Variants in ATP6V1C1 observed in about 807,000 individuals in gnomAD.
ATP6V1C1 encodes the protein ATPase H+ transporting V1 subunit C1.
In ATP6V1C1, 45 loss-of-function variants were observed where a neutral mutation model predicts 53.9. The observed-to-expected ratio is 0.83, with a 90% CI of 0.66 to 1.07. The LOEUF is 1.07. Ranked by LOEUF, ATP6V1C1 falls within the 50% of genes least tolerant of loss-of-function variation. The probability of loss-of-function intolerance (pLI) is 0.00; values close to 1 mark genes in which losing one functional copy is unlikely to be tolerated. For missense variants in ATP6V1C1, 315 were observed against 440.3 expected, an observed-to-expected ratio of 0.72 and a Z score of 2.55; for synonymous variants, 153 against 155.2, an observed-to-expected ratio of 0.99 and a Z score of 0.11.
rs564305463 is a variant in ATP6V1C1, at chr8:103,067,353, C to T, written c.1053+906C>T. The stretch of plus-strand genomic sequence containing the variant: ...GGGTGGTTGCAGTGAGCCAAGATTG[C>T]GCCACTGCACTCCAGCCTGGGTGAC... On this transcript the variant is annotated intron_variant, in intron 12 of 12. Coordinates refer to ENST00000518738, the MANE Select transcript of ATP6V1C1 (RefSeq NM_001695.5). 4.9e-5 allele frequency among the ~76,000 whole-genome samples: 7 copies of T among 144,252 alleles called. No homozygotes were observed. The East Asian group carries it at 1.1e-3, about 22-fold the overall frequency. The allele number at this position is 144,252 out of a possible 152,430, so 94.6% of individuals were successfully genotyped here. A position where few individuals can be genotyped will look rare whatever the true frequency, so the allele number is the denominator to read the frequency against.
chr8:103,026,769 C>T (rs867351671), intron 1 of ATP6V1C1, among the ~76,000 whole-genome samples: 1 of 152,146 alleles, frequency 6.6e-6, no homozygotes, highest in Non-Finnish European at 1.5e-5. Context: ...GCCGAGATCG[C>T]GCCAGTGCAC....
At chr8:103,058,661 A>G (rs574625590) in intron 8 of ATP6V1C1, among the ~76,000 whole-genome samples, 1 of 152,362 alleles carries the variant, frequency 6.6e-6, no homozygotes, top group Admixed American at 6.5e-5. Flanking sequence ...AGTGAAGATG[A>G]AAGTGGAATT....
intron 1 of ATP6V1C1, among the ~76,000 whole-genome samples, chr8:103,036,763 T>G (rs998838339): frequency 5.3e-5 from 8 of 152,184 alleles, no homozygotes; most frequent in Non-Finnish European, 1.0e-4. Context: ...GATAGTGACA[T>G]CTACTGTAAT....
chr8:103,044,473 T>C (rs956687395), intron 3 of ATP6V1C1, among the ~76,000 whole-genome samples: 1 of 152,204 alleles, frequency 6.6e-6, no homozygotes, highest in Non-Finnish European at 1.5e-5. Flanking sequence ...CCAGCACCAT[T>C]TGTTGAAAAG....
In ATP6V1C1 at chr8:103,021,114, G is replaced by A. The variant is rs2131377137; in HGVS notation, c.-151G>A. ...TGTTCGCTTGGGTAGAGGAAGCCGT[G>A]AGGCCGGAGCTTAGGTCGGGAAGGG... On this transcript the variant is annotated 5_prime_UTR_variant, in exon 1 of 13. Coordinates refer to ENST00000518738, the MANE Select transcript of ATP6V1C1 (RefSeq NM_001695.5). 1 of 153,040 alleles carries A rather than the reference G, an allele frequency of 6.5e-6. No individual in the cohort carries two copies. Among genetic ancestry groups the A allele is most frequent in the Admixed American group, 6.5e-5 (1 of 15,308 alleles). 9.5% of individuals were successfully genotyped at this position (153,040 alleles called of 1,614,324 possible). A position where few individuals can be genotyped will look rare whatever the true frequency, so the allele number is the denominator to read the frequency against.
At chr8:103,041,082 A>C (rs2131388964) in intron 2 of ATP6V1C1, 114 bp downstream of exon 2, 1 of 1,204,274 alleles carries the variant, frequency 8.3e-7, no homozygotes, top group East Asian at 2.6e-5. Context: ...CCTCCTCTCC[A>C]GCCATTGGCA....
chr8:103,042,777 C>T (rs1474466707), intron 3 of ATP6V1C1, among the ~76,000 whole-genome samples: 3 of 152,180 alleles, frequency 2.0e-5, no homozygotes, highest in African/African-American at 7.2e-5. Flanking sequence ...CACTTACCGT[C>T]CCCACCACCC....
intron 8 of ATP6V1C1, among the ~76,000 whole-genome samples, chr8:103,059,356 C>T (rs1198733800): frequency 3.3e-5 from 5 of 152,108 alleles, no homozygotes; most frequent in Admixed American, 3.3e-4. Flanking sequence ...CCTACTGGAC[C>T]ACTCCATGTG....
rs934636713 is a variant in ATP6V1C1 at position 103,040,886 on chromosome 8, A to C, written c.50A>C (p.Gln17Pro). The C allele has an allele frequency of 3.1e-6, 5 of 1,614,164 alleles. No individual in the cohort carries two copies. Among genetic ancestry groups the C allele is most frequent in the Non-Finnish European group, 4.2e-6 (5 of 1,179,994 alleles). Residue 17 changes from glutamine (Q) to proline (P), a missense_variant, in exon 2 of 13, where the codon CAA becomes CCA. Gln to Pro is a moderately conservative substitution (Grantham distance 76). Transcript: ENST00000518738. ...GCTCCTGGGGAGAAAACCTGTCAGC[A>C]AACATGGGAGAAATTGCATGCGGCA... ...ISAPGEKTCQ[Q>P]TWEKLHAATS...
chr8:103,061,275 GGT>G (rs34575743), intron 8 of ATP6V1C1, among the ~76,000 whole-genome samples: 5,334 of 152,224 alleles, frequency 0.035, 102 homozygotes, highest in East Asian at 0.046. Context: ...TACTCCTGGA[GGT>G]GTCTGCTGGT....
Position 103,023,971 on chromosome 8 carries a change from C to T in ATP6V1C1, c.-40+2746C>T, listed in dbSNP as rs944274236. On this transcript the variant is annotated intron_variant, in intron 1 of 12. Transcript: ENST00000518738. ...TGAACTTTTTCTAGTAGAACAGCTT[C>T]AAAGGAATTGGCAGTGGTGGGCTAT... 2.0e-5 allele frequency among the ~76,000 whole-genome samples: 3 copies of T among 152,166 alleles called. No individual in the cohort carries two copies. The South Asian group carries it at 6.2e-4, about 32-fold the overall frequency.
At chr8:103,052,470 T>G (rs888595714) in intron 5 of ATP6V1C1, among the ~76,000 whole-genome samples, 2 of 152,038 alleles carry the variant, frequency 1.3e-5, no homozygotes, top group African/African-American at 2.4e-5. Context: ...TTTCCATGGT[T>G]TAAGAAGTAA....
chr8:103,027,396 A>G (rs1816717249), intron 1 of ATP6V1C1, among the ~76,000 whole-genome samples: 1 of 152,198 alleles, frequency 6.6e-6, no homozygotes, highest in South Asian at 2.1e-4. Flanking sequence ...GGAGTGCGGT[A>G]CTGTTTTCTG....
At position 103,062,948 on chromosome 8, in the gene ATP6V1C1, T is replaced by TC. The variant is rs777031293; in HGVS notation, c.642-5dup. ...AATCTTTAAATGGACTTTTTTTTTTTCCATAGTGTTCTTTCAGAGGACCAA... is the reference window on the plus strand; with the variant it reads ...AATCTTTAAATGGACTTTTTTTTTTTCCCATAGTGTTCTTTCAGAGGACCAA... On this transcript the variant is annotated splice_polypyrimidine_tract_variant and splice_region_variant and intron_variant, in intron 8 of 12. Transcript: ENST00000518738. 8 of 1,609,974 alleles carry TC rather than the reference T, an allele frequency of 5.0e-6. No individual in the cohort carries two copies. The highest frequency in any genetic ancestry group is 1.3e-5 in the African/African-American group (1 of 74,702).
intron 3 of ATP6V1C1, among the ~76,000 whole-genome samples, chr8:103,048,182 A>G (rs1817137948): frequency 6.6e-6 from 1 of 152,194 alleles, no homozygotes. Flanking sequence ...GTGTCTTATA[A>G]ATGAAAGAAC....
At chr8:103,063,296 A>T (rs1030953412) in intron 10 of ATP6V1C1, 68 bp downstream of exon 10, 1 of 1,053,516 alleles carries the variant, frequency 9.5e-7, no homozygotes, top group African/African-American at 1.6e-5. Flanking sequence ...CTTTCCTTTG[A>T]TTTAAAAGAA....
intron 1 of ATP6V1C1, among the ~76,000 whole-genome samples, chr8:103,031,472 T>A (rs1306547161): frequency 6.6e-6 from 1 of 151,962 alleles, no homozygotes; most frequent in Non-Finnish European, 1.5e-5. Flanking sequence ...GGAGCAGGAG[T>A]GTCACATGGT....
At chr8:103,060,426 C>T (rs1320072348) in intron 8 of ATP6V1C1, among the ~76,000 whole-genome samples, 1 of 152,180 alleles carries the variant, frequency 6.6e-6, no homozygotes, top group Non-Finnish European at 1.5e-5. Context: ...TCCTTTGAAT[C>T]CCCTCAGATA....
chr8:103,044,220 A>T (rs1229269596), intron 3 of ATP6V1C1, among the ~76,000 whole-genome samples: 1 of 152,166 alleles, frequency 6.6e-6, no homozygotes, highest in Non-Finnish European at 1.5e-5. Context: ...GTGAAGCACA[A>T]AAGTTTTAAA....
Sources: gnomAD v4.1 joint callset for allele counts (sites outside exome capture counted in the v4.1 genomes callset) on GRCh38, gnomAD v4.1.1 for gene constraint, MANE v1.5 for transcripts, NCBI Gene and HGNC (gene_info 2026-07-23, HGNC 2026-07-21) for gene names.